The following RIMS1 variants were observed in gnomAD, a reference collection of about 807,000 sequenced individuals.
The protein encoded by RIMS1 is regulating synaptic membrane exocytosis 1.
RIMS1 carries 83 observed loss-of-function variants against 214.1 expected under a neutral mutation model. The ratio of observed to expected loss-of-function variants is 0.39; its 90% CI spans 0.32 to 0.47. The LOEUF is 0.47. RIMS1 is among the 20% of genes least tolerant of loss of function. RIMS1 has a pLI of 0.99. For missense variants in RIMS1, 2,050 were observed against 2,161.8 expected, an observed-to-expected ratio of 0.95 and a Z score of 1.03; for synonymous variants, 793 against 786.8, an observed-to-expected ratio of 1.01 and a Z score of -0.13.
At chr6:71,932,646 A>G (rs544890491) in intron 1 of RIMS1, among the ~76,000 whole-genome samples, 1 of 152,170 alleles carries the variant, frequency 6.6e-6, no homozygotes, top group East Asian at 1.9e-4. Context: ...ATAATAATAA[A>G]AAGAGATGGG....
At position 72,267,920 on chromosome 6, in the gene RIMS1, A is replaced by G. The variant is rs182408711; in HGVS notation, c.3398+1871A>G. On this transcript the variant is annotated intron_variant, in intron 22 of 33. Transcript: ENST00000521978. ...AATATTGAAAACATATATTCACTCTACATATTGAATAAAAAGGAATTTTTC... is the reference window on the plus strand; with the variant it reads ...AATATTGAAAACATATATTCACTCTGCATATTGAATAAAAAGGAATTTTTC... Among the ~76,000 whole-genome samples, 57 of 152,320 alleles carry G rather than the reference A, an allele frequency of 3.7e-4. No individual in the cohort carries two copies. The East Asian group carries it at 8.5e-3, about 23-fold the overall frequency.
At chr6:72,004,339 T>C (rs911983862) in intron 2 of RIMS1, among the ~76,000 whole-genome samples, 21 of 152,134 alleles carry the variant, frequency 1.4e-4, no homozygotes, top group African/African-American at 4.6e-4. Flanking sequence ...TATATGTGCA[T>C]GTGTCTTTAT....
At position 72,016,556 on chromosome 6, in the gene RIMS1, C is replaced by T. The variant is rs184156947; in HGVS notation, c.245+47493C>T. 1.4e-4 allele frequency among the ~76,000 whole-genome samples: 21 copies of T among 152,230 alleles called. 1 individual carries two copies. The highest frequency in any genetic ancestry group is 1.2e-3 in the Admixed American group (18 of 15,286). ...CTTTCCATCTTATTCAGTATCTTTT[C>T]TTGAATAATTGCTCCTTGGATTGTT... On this transcript the variant is annotated intron_variant, in intron 2 of 33. Transcript: ENST00000521978.
chr6:72,396,876 G>A (rs1283081844), intron 31 of RIMS1, among the ~76,000 whole-genome samples: 15 of 152,114 alleles, frequency 9.9e-5, no homozygotes, highest in Admixed American at 9.8e-4. Context: ...AGCCAGGCAT[G>A]GTGGCACATG....
chr6:72,130,573 A>C (rs76500840), intron 4 of RIMS1, among the ~76,000 whole-genome samples: 10,237 of 152,180 alleles, frequency 0.067, 414 homozygotes, highest in Non-Finnish European at 0.093. Context: ...ACTAAATTCT[A>C]TTATGGTAGC....
intron 4 of RIMS1, among the ~76,000 whole-genome samples, chr6:72,130,861 T>G (rs1428335053): frequency 6.6e-6 from 1 of 152,120 alleles, no homozygotes; most frequent in Non-Finnish European, 1.5e-5. Flanking sequence ...GGCCAGGCAT[T>G]TCTTTGCAAA....
At chr6:72,388,999 A>T (rs148626914) in intron 29 of RIMS1, among the ~76,000 whole-genome samples, 2 of 152,330 alleles carry the variant, frequency 1.3e-5, no homozygotes, top group South Asian at 4.1e-4. Flanking sequence ...GCACAAGGGC[A>T]TAGGTGGCTT....
intron 2 of RIMS1, among the ~76,000 whole-genome samples, chr6:71,976,475 T>G (rs961039431): frequency 5.9e-5 from 9 of 152,184 alleles, no homozygotes; most frequent in African/African-American, 2.2e-4. Flanking sequence ...ATAAGTGTTC[T>G]TCACATGTAA....
At chr6:72,196,603 T>TTTTTTTTTTTTTTTA (rs780611745) in intron 6 of RIMS1, among the ~76,000 whole-genome samples, 16 of 132,290 alleles carry the variant, frequency 1.2e-4, no homozygotes, top group South Asian at 2.5e-4. Context: ...TTTTTTTTTT[T>TTTTTTTTTTTTTTTA]ACCTATACAG....
chr6:71,993,010 C>T (rs529409184), intron 2 of RIMS1, among the ~76,000 whole-genome samples: 15 of 152,214 alleles, frequency 9.9e-5, no homozygotes, highest in African/African-American at 2.6e-4. Flanking sequence ...CAGAGGACTG[C>T]TAATTGGAAT....
At chr6:71,987,015 A>C (rs1800189760) in intron 2 of RIMS1, among the ~76,000 whole-genome samples, 1 of 152,248 alleles carries the variant, frequency 6.6e-6, no homozygotes. Flanking sequence ...TGATGGAGCC[A>C]TAGAGAATAT....
chr6:72,077,726 G>A (rs983952175), intron 2 of RIMS1, among the ~76,000 whole-genome samples: 1 of 152,182 alleles, frequency 6.6e-6, no homozygotes, highest in African/African-American at 2.4e-5. Flanking sequence ...GTCCTAAGAG[G>A]TACAGTTACT....
intron 4 of RIMS1, 127 bp from the exon 5 acceptor site, chr6:72,179,447 AC>A: frequency 1.2e-6 from 1 of 861,558 alleles, no homozygotes; most frequent in Non-Finnish European, 1.9e-6. Flanking sequence ...GACCATTTTC[AC>A]AAGAAATTTG....
At chr6:72,103,336 C>G (rs1369250833) in intron 4 of RIMS1, among the ~76,000 whole-genome samples, 1 of 152,140 alleles carries the variant, frequency 6.6e-6, no homozygotes. Flanking sequence ...GTTTTAACCT[C>G]TTGCATTCAG....
intron 4 of RIMS1, among the ~76,000 whole-genome samples, chr6:72,136,128 A>C (rs1384893394): frequency 6.6e-6 from 1 of 152,210 alleles, no homozygotes; most frequent in Non-Finnish European, 1.5e-5. Context: ...TGAGGACAGA[A>C]TCAGTAATCT....
intron 2 of RIMS1, among the ~76,000 whole-genome samples, chr6:72,014,389 G>A (rs999817469): frequency 7.9e-5 from 12 of 152,186 alleles, no homozygotes; most frequent in African/African-American, 2.9e-4. Context: ...ATATCATTTA[G>A]CATAATCTTT....
intron 19 of RIMS1, chr6:72,261,420 T>G (rs912694333): frequency 1.0e-6 from 1 of 985,428 alleles, no homozygotes; most frequent in African/African-American, 1.7e-5. Flanking sequence ...AGATATAATT[T>G]TTGCTTCTAA....
chr6:71,942,217 A>T (rs1271325095), intron 1 of RIMS1, among the ~76,000 whole-genome samples: 1 of 152,108 alleles, frequency 6.6e-6, no homozygotes, highest in African/African-American at 2.4e-5. Flanking sequence ...AGTATAGGTA[A>T]CTCCATAACT....
intron 26 of RIMS1, among the ~76,000 whole-genome samples, chr6:72,301,509 A>T (rs2094600738): frequency 6.6e-6 from 1 of 151,656 alleles, no homozygotes; most frequent in Non-Finnish European, 1.5e-5. Context: ...TTTGGGGGGA[A>T]AATGATTGGT....
Sources: gnomAD v4.1 joint callset for allele counts (sites outside exome capture counted in the v4.1 genomes callset) on GRCh38, gnomAD v4.1.1 for gene constraint, MANE v1.5 for transcripts, NCBI Gene and HGNC (gene_info 2026-07-23, HGNC 2026-07-21) for gene names.